The following TTLL7 variants were observed in gnomAD, a reference collection of about 807,000 sequenced individuals.
The protein encoded by TTLL7 is tubulin polyglutamylase TTLL7.
Under a neutral mutation model 120.2 loss-of-function variants are expected in TTLL7, and 53 were observed. The observed-to-expected ratio is 0.44, with a 90% CI of 0.35 to 0.55. The LOEUF is 0.55. TTLL7 is among the 20% of genes least tolerant of loss of function. The pLI is 0.00. For missense variants in TTLL7, 803 were observed against 1,054.7 expected, an observed-to-expected ratio of 0.76 and a Z score of 3.31; for synonymous variants, 353 against 351.7, an observed-to-expected ratio of 1.00 and a Z score of -0.04.
At chr1:83,991,244 T>C (rs571462340) in intron 1 of TTLL7, among the ~76,000 whole-genome samples, 8 of 152,220 alleles carry the variant, frequency 5.3e-5, no homozygotes, top group African/African-American at 1.4e-4. Flanking sequence ...AGTATAGAGT[T>C]TGAGGTTTAC....
chr1:83,897,600 T>C (rs1293370022), intron 18 of TTLL7, among the ~76,000 whole-genome samples: 1 of 152,054 alleles, frequency 6.6e-6, no homozygotes, highest in Admixed American at 6.6e-5. Context: ...TCTCCCAAGA[T>C]AGTTCCCAGC....
chr1:83,873,075 C>G (rs1653586054), intron 20 of TTLL7, among the ~76,000 whole-genome samples: 1 of 152,092 alleles, frequency 6.6e-6, no homozygotes, highest in South Asian at 2.1e-4. Context: ...AATTATTATA[C>G]TCATTTTTTC....
chr1:83,926,944 T>C (rs911990773), intron 10 of TTLL7, among the ~76,000 whole-genome samples: 30 of 152,194 alleles, frequency 2.0e-4, no homozygotes, highest in Admixed American at 5.2e-4. Context: ...CTTTTACTTG[T>C]TCTACATATA....
intron 19 of TTLL7, among the ~76,000 whole-genome samples, chr1:83,886,827 A>G (rs1655012784): frequency 6.6e-6 from 1 of 151,928 alleles, no homozygotes; most frequent in Admixed American, 6.6e-5. Context: ...GCCACTTCCC[A>G]TAGCCACCAT....
intron 3 of TTLL7, among the ~76,000 whole-genome samples, chr1:83,951,257 G>A (rs933517110): frequency 2.6e-5 from 4 of 151,966 alleles, no homozygotes; most frequent in African/African-American, 9.7e-5. Context: ...ACTGAGGCAG[G>A]AGAATGGCGT....
intron 1 of TTLL7, among the ~76,000 whole-genome samples, chr1:83,959,863 T>A (rs1013248439): frequency 6.6e-6 from 1 of 152,130 alleles, no homozygotes; most frequent in African/African-American, 2.4e-5. Context: ...TTAAAACAGC[T>A]GATGAATACA....
At chr1:83,986,878 C>T (rs892924754) in intron 1 of TTLL7, among the ~76,000 whole-genome samples, 2 of 152,138 alleles carry the variant, frequency 1.3e-5, no homozygotes, top group Non-Finnish European at 2.9e-5. Context: ...AGGATGTCCA[C>T]TCTCACCACT....
At chr1:83,936,245 A>G (rs1647383767) in intron 8 of TTLL7, among the ~76,000 whole-genome samples, 1 of 152,152 alleles carries the variant, frequency 6.6e-6, no homozygotes, top group Non-Finnish European at 1.5e-5. Context: ...AATGACCCTC[A>G]TTATTCTCCC....
At chr1:83,939,804 T>C (rs1557690254) in intron 7 of TTLL7, among the ~76,000 whole-genome samples, 1 of 152,168 alleles carries the variant, frequency 6.6e-6, no homozygotes, top group Non-Finnish European at 1.5e-5. Context: ...CAGCTCAATA[T>C]AAAATACATG....
chr1:83,919,408 G>A (rs934906438), intron 13 of TTLL7, among the ~76,000 whole-genome samples: 14 of 151,698 alleles, frequency 9.2e-5, no homozygotes, highest in African/African-American at 3.4e-4. Context: ...TAATTCCATG[G>A]GTTTCTTTAT....
intron 3 of TTLL7, among the ~76,000 whole-genome samples, chr1:83,950,198 T>C (rs1245279405): frequency 6.6e-6 from 1 of 152,184 alleles, no homozygotes; most frequent in African/African-American, 2.4e-5. Context: ...CACCCAAAAA[T>C]CCTTCCTTTC....
At chr1:83,919,571 T>C (rs886993442) in intron 13 of TTLL7, 128 bp downstream of exon 13, 47 of 858,120 alleles carry the variant, frequency 5.5e-5, no homozygotes, top group Middle Eastern at 3.8e-4. Context: ...ACTGTTAAAA[T>C]AGAAAGCTTG....
chr1:83,982,474 AAG>A (rs1652055480), intron 1 of TTLL7, among the ~76,000 whole-genome samples: 1 of 152,168 alleles, frequency 6.6e-6, no homozygotes, highest in African/African-American at 2.4e-5. Flanking sequence ...TGAAACAAAA[AAG>A]AGTCTTCAGT....
At chr1:83,987,380 C>T (rs1652571511) in intron 1 of TTLL7, among the ~76,000 whole-genome samples, 1 of 152,092 alleles carries the variant, frequency 6.6e-6, no homozygotes. Flanking sequence ...GATGGCAATT[C>T]TCCCTAAATC....
At chr1:83,892,272 A>G (rs1655573841) in intron 18 of TTLL7, among the ~76,000 whole-genome samples, 1 of 78,754 alleles carries the variant, frequency 1.3e-5, no homozygotes, top group Non-Finnish European at 3.3e-5. Flanking sequence ...ATATACGAAT[A>G]TATATGAATA....
At position 83,892,719 on chromosome 1, in the gene TTLL7, T is replaced by C. The variant is rs540901911; in HGVS notation, c.2209-2238A>G. 2.5e-3 allele frequency among the ~76,000 whole-genome samples: 100 copies of C among 39,872 alleles called. 1 individual carries two copies. In the East Asian group the frequency reaches 0.058, roughly 23 times the overall value. 26.2% of individuals were successfully genotyped at this position (39,872 alleles called of 152,430 possible). A position where few individuals can be genotyped will look rare whatever the true frequency, so the allele number is the denominator to read the frequency against. On this transcript the variant is annotated intron_variant, in intron 18 of 20. Transcript: ENST00000260505. ...ACATATATATGAACATATGAACATA[T>C]ATATGTGAACACATATATATGAGCG...
At chr1:83,942,428 G>C in intron 7 of TTLL7, 35 bp downstream of exon 7, 1 of 1,528,172 alleles carries the variant, frequency 6.5e-7, no homozygotes, top group Middle Eastern at 1.7e-4. Context: ...GTTGACAAAT[G>C]AATGAAAAGA....
intron 1 of TTLL7, among the ~76,000 whole-genome samples, chr1:83,973,965 T>A (rs965154563): frequency 6.6e-6 from 1 of 152,018 alleles, no homozygotes; most frequent in African/African-American, 2.4e-5. Context: ...TATACAAGCA[T>A]ATGCCTAAGT....
intron 1 of TTLL7, among the ~76,000 whole-genome samples, chr1:83,971,022 AG>A (rs1650925926): frequency 6.6e-6 from 1 of 151,970 alleles, no homozygotes; most frequent in Admixed American, 6.6e-5. Context: ...GAATGTAGGG[AG>A]GACGCCTGGA....
Sources: gnomAD v4.1 joint callset for allele counts (sites outside exome capture counted in the v4.1 genomes callset) on GRCh38, gnomAD v4.1.1 for gene constraint, MANE v1.5 for transcripts, NCBI Gene and HGNC (gene_info 2026-07-23, HGNC 2026-07-21) for gene names.